NEDD4L: variants seen among roughly 807,000 people sequenced by gnomAD.
NEDD4L encodes NEDD4 like E3 ubiquitin protein ligase.
Under a neutral mutation model 148.9 loss-of-function variants are expected in NEDD4L, and 54 were observed. The observed-to-expected ratio is 0.36, with a 90% CI of 0.29 to 0.45. The LOEUF is 0.45. Among genes scored for constraint, NEDD4L ranks in the 20% least tolerant of loss-of-function variants. The pLI is 1.00. For synonymous variants in NEDD4L, 433 were observed against 440.7 expected (o/e 0.98, Z 0.22); for missense variants, 856 against 1,233.8 (o/e 0.69, Z 4.59).
chr18:58,274,346 T>C (rs1322065465), intron 5 of NEDD4L, among the ~76,000 whole-genome samples: 1 of 152,212 alleles, frequency 6.6e-6, no homozygotes, highest in Non-Finnish European at 1.5e-5. Flanking sequence ...ACTTAACATT[T>C]AGTCCTGGGA....
chr18:58,178,769 A>G (rs977486783), intron 2 of NEDD4L, among the ~76,000 whole-genome samples: 4 of 152,228 alleles, frequency 2.6e-5, no homozygotes, highest in African/African-American at 9.6e-5. Context: ...GGTTGTTCGC[A>G]TTTTTATCCG....
At chr18:58,081,807 C>T (rs933742372) in intron 1 of NEDD4L, among the ~76,000 whole-genome samples, 1 of 151,968 alleles carries the variant, frequency 6.6e-6, no homozygotes, top group Non-Finnish European at 1.5e-5. Flanking sequence ...CTGTGCTGAA[C>T]TTTCTGGTTT....
intron 1 of NEDD4L, among the ~76,000 whole-genome samples, chr18:58,119,911 C>T (rs190256571): frequency 3.3e-5 from 5 of 152,340 alleles, no homozygotes; most frequent in East Asian, 1.9e-4. Flanking sequence ...TCAAGCACCA[C>T]GGCCTGTTCT....
intron 1 of NEDD4L, among the ~76,000 whole-genome samples, chr18:58,056,462 C>T (rs2082088998): frequency 6.6e-6 from 1 of 152,236 alleles, no homozygotes; most frequent in Admixed American, 6.5e-5. Flanking sequence ...AATGGGCCAG[C>T]TCAGGGATGT....
intron 14 of NEDD4L, among the ~76,000 whole-genome samples, 197 bp from the exon 15 acceptor site, chr18:58,341,481 T>A (rs2042413031): frequency 6.6e-6 from 1 of 152,236 alleles, no homozygotes; most frequent in African/African-American, 2.4e-5. Flanking sequence ...TATGCTGGGC[T>A]AGTGATTCAT....
chr18:58,350,249 G>A (rs2043705153), intron 17 of NEDD4L, among the ~76,000 whole-genome samples: 1 of 152,170 alleles, frequency 6.6e-6, no homozygotes, highest in African/African-American at 2.4e-5. Context: ...TGTTTTCCAA[G>A]TGTAAGAACC....
intron 5 of NEDD4L, chr18:58,255,845 A>T: frequency 8.1e-7 from 1 of 1,232,456 alleles, no homozygotes; most frequent in Non-Finnish European, 1.0e-6. Context: ...GCTTAAGCGG[A>T]GCTCGTCCAT....
intron 24 of NEDD4L, among the ~76,000 whole-genome samples, chr18:58,382,909 G>T (rs1161888327): frequency 6.6e-6 from 1 of 152,280 alleles, no homozygotes; most frequent in African/African-American, 2.4e-5. Flanking sequence ...GAGTCTTGAT[G>T]GGTGTACCCT....
intron 1 of NEDD4L, among the ~76,000 whole-genome samples, chr18:58,054,277 C>T (rs1430130894): frequency 1.3e-5 from 2 of 152,190 alleles, no homozygotes; most frequent in Non-Finnish European, 2.9e-5. Context: ...ACCCTGAGAA[C>T]CTGAAGAATG....
intron 1 of NEDD4L, among the ~76,000 whole-genome samples, chr18:58,086,326 T>G (rs2083756548): frequency 1.3e-5 from 2 of 152,156 alleles, no homozygotes; most frequent in South Asian, 4.1e-4. Flanking sequence ...CATAAGAAAC[T>G]TGGGAAGAAT....
At position 58,199,464 on chromosome 18, in the gene NEDD4L, C is replaced by T. The variant is rs560462206; in HGVS notation, c.122+33603C>T. 3.3e-5 allele frequency among the ~76,000 whole-genome samples: 5 copies of T among 152,234 alleles called. No individual in the cohort carries two copies. In the East Asian group the frequency reaches 7.7e-4, roughly 24 times the overall value. ...GCACCTGACACACAGCCTAAAGCGT[C>T]GGTACTGGTTGACCGTATACGAAAT... On this transcript the variant is annotated intron_variant, in intron 2 of 30. Coordinates refer to ENST00000400345, the MANE Select transcript of NEDD4L (RefSeq NM_001144967.3).
intron 1 of NEDD4L, among the ~76,000 whole-genome samples, chr18:58,119,966 T>C (rs2086118202): frequency 6.6e-6 from 1 of 152,188 alleles, no homozygotes. Flanking sequence ...TGCAGCAGAT[T>C]GGCACACATC....
rs368752969 is a variant in NEDD4L at position 58,136,042 on chromosome 18, A to G, written c.49-29746A>G. Among the ~76,000 whole-genome samples the G allele has an allele frequency of 5.3e-5, 8 of 152,362 alleles. No homozygotes were observed. In the East Asian group the frequency reaches 1.5e-3, roughly 29 times the overall value. On this transcript the variant is annotated intron_variant, in intron 1 of 30. Transcript: ENST00000400345. ...CAATTACTGCATCTACTAAGGATTAAGAAGATTATAAATGTAAACTCAGCT... is the reference window on the plus strand; with the variant it reads ...CAATTACTGCATCTACTAAGGATTAGGAAGATTATAAATGTAAACTCAGCT...
In NEDD4L at chr18:58,366,052, A is replaced by G; in HGVS notation, c.1887A>G (p.Glu629=). The G allele has an allele frequency of 6.2e-7, 1 of 1,613,268 alleles. No homozygotes were observed. The highest frequency in any genetic ancestry group is 1.1e-5 in the South Asian group (1 of 90,808). The change falls in exon 21 of 31, where the codon GAA becomes GAG. Residue 629 remains glutamate (E), a synonymous_variant. Transcript: ENST00000400345. The surrounding 1 kb of genome is among the most constrained non-coding windows in gnomAD (Gnocchi z 4.2). ...AACTTCACAGAAATAACATATTTGA[A>G]GAGTCCTATCGGAGAATTATGTCCG... The part of the protein sequence containing the change: ...EMKLHRNNIF[E]ESYRRIMSVK...
Position 58,309,406 on chromosome 18 carries a change from C to T in NEDD4L, c.298-6576C>T, listed in dbSNP as rs140028407. The stretch of plus-strand genomic sequence containing the variant: ...CTCAAGGTGTCCCTGCAGTATTCTG[C>T]TCATGCCCCTGCTACGTGGCAGAAC... On this transcript the variant is annotated intron_variant, in intron 5 of 30. Coordinates refer to ENST00000400345, the MANE Select transcript of NEDD4L (RefSeq NM_001144967.3). Among the ~76,000 whole-genome samples the T allele has an allele frequency of 9.3e-3, 1,420 of 152,338 alleles. 16 individuals are homozygous for T. Among genetic ancestry groups the T allele is most frequent in the Middle Eastern group, 0.031 (9 of 294 alleles).
intron 13 of NEDD4L, 30 bp downstream of exon 13, chr18:58,335,567 G>C (rs1015980722): frequency 5.8e-6 from 9 of 1,553,176 alleles, no homozygotes; most frequent in Middle Eastern, 1.7e-4. Context: ...GACATCAATA[G>C]CAAGAGGCCG....
chr18:58,166,024 T>G (rs1364974817), intron 2 of NEDD4L, among the ~76,000 whole-genome samples, 163 bp downstream of exon 2: 1 of 152,228 alleles, frequency 6.6e-6, no homozygotes, highest in Non-Finnish European at 1.5e-5. Context: ...GCCCAGCTGG[T>G]TCCAGGAGCA....
intron 4 of NEDD4L, among the ~76,000 whole-genome samples, chr18:58,249,277 A>G (rs2047627134): frequency 6.6e-6 from 1 of 152,224 alleles, no homozygotes; most frequent in Admixed American, 6.5e-5. Context: ...AATATTTTAG[A>G]GAGAGTAAAA....
chr18:58,343,823 C>T (rs955734859), intron 16 of NEDD4L, among the ~76,000 whole-genome samples: 5 of 152,164 alleles, frequency 3.3e-5, no homozygotes, highest in East Asian at 1.9e-4. Flanking sequence ...TTAGCCGAAT[C>T]GGTGGCTTTT....
Sources: allele counts gnomAD v4.1 joint callset (sites outside exome capture counted in the v4.1 genomes callset), GRCh38; gene constraint gnomAD v4.1.1; non-coding constraint Gnocchi (gnomAD v3.1); transcripts MANE v1.5; gene names NCBI Gene and HGNC (gene_info 2026-07-23, HGNC 2026-07-21).